Variants in TPRG1 observed in about 807,000 individuals in gnomAD.
TPRG1 encodes tumor protein p63 regulated 1.
A neutral mutation model predicts 29.3 loss-of-function variants in TPRG1; 29 were observed. The observed-to-expected ratio is 0.99, with a 90% CI of 0.74 to 1.35. TPRG1 has a LOEUF of 1.35. Among genes scored for constraint, TPRG1 ranks in the 40% most tolerant of loss-of-function variants. The pLI is 0.00. For synonymous variants in TPRG1, 130 were observed against 116.8 expected (o/e 1.11, Z -0.73); for missense variants, 327 against 335.0 (o/e 0.98, Z 0.19).
At chr3:189,200,821 A>G (rs1020001343) in intron 1 of TPRG1, among the ~76,000 whole-genome samples, 16 of 152,212 alleles carry the variant, frequency 1.1e-4, no homozygotes, top group Non-Finnish European at 5.9e-5. Context: ...GGTGGATGCT[A>G]CAGTTTGAAA....
chr3:189,021,067 T>A (rs1252792029), intron 3 of TPRG1, among the ~76,000 whole-genome samples: 1 of 148,450 alleles, frequency 6.7e-6, no homozygotes, highest in African/African-American at 2.5e-5. Context: ...TGCCTTTTTT[T>A]GTTTTCCATT....
At chr3:189,063,357 C>T (rs564250477) in intron 4 of TPRG1, among the ~76,000 whole-genome samples, 2 of 152,182 alleles carry the variant, frequency 1.3e-5, no homozygotes, top group South Asian at 4.1e-4. Flanking sequence ...TCCTAGAACT[C>T]CTAGACAGTA....
In TPRG1 at chr3:189,323,624, G is replaced by A. The variant is rs1235901138; in HGVS notation, c.*2804G>A. On this transcript the variant is annotated 3_prime_UTR_variant, in exon 6 of 6. Coordinates refer to ENST00000345063, the MANE Select transcript of TPRG1 (RefSeq NM_198485.4). Reference sequence around the variant, plus strand: ...CATTTTACACTTGGTGTTCTTACTTGGGATCTTTGTCCTTAAGCTCAACAG... The same window carrying A: ...CATTTTACACTTGGTGTTCTTACTTAGGATCTTTGTCCTTAAGCTCAACAG... 1 of 152,036 alleles carries A rather than the reference G, an allele frequency of 6.6e-6. No homozygotes were observed. The highest frequency in any genetic ancestry group is 2.4e-5 in the African/African-American group (1 of 41,408). The allele number at this position is 152,036 out of a possible 1,614,324, so 9.4% of individuals were successfully genotyped here.
At chr3:189,205,516 C>A (rs1734190866) in intron 1 of TPRG1, among the ~76,000 whole-genome samples, 1 of 152,152 alleles carries the variant, frequency 6.6e-6, no homozygotes, top group Non-Finnish European at 1.5e-5. Flanking sequence ...CCTAGTTAAT[C>A]CCAATTTCAA....
intron 1 of TPRG1, among the ~76,000 whole-genome samples, chr3:189,190,114 A>C (rs1731481939): frequency 6.6e-6 from 1 of 152,256 alleles, no homozygotes; most frequent in African/African-American, 2.4e-5. Flanking sequence ...GATACTGCCA[A>C]ACACTAATGC....
rs1739950883 is a variant in TPRG1 at position 189,238,628 on chromosome 3, A to G, written c.303-105A>G. The G allele has an allele frequency of 1.2e-5, 11 of 939,432 alleles. No individual in the cohort carries two copies. The Admixed American group carries it at 2.4e-4, about 20-fold the overall frequency. 58.2% of individuals were successfully genotyped at this position (939,432 alleles called of 1,614,324 possible). A position where few individuals can be genotyped will look rare whatever the true frequency, so the allele number is the denominator to read the frequency against. Reference sequence around the variant, plus strand: ...TATTTCTCAGCCCCTCTCTCTTCTGAGTTGATCAAACTTCACTGTTTTCTG... The same window carrying G: ...TATTTCTCAGCCCCTCTCTCTTCTGGGTTGATCAAACTTCACTGTTTTCTG... On this transcript the variant is annotated intron_variant, in intron 3 of 5. Transcript: ENST00000345063.
At chr3:189,135,065 G>A (rs1055617388) in intron 3 of TPRG1, among the ~76,000 whole-genome samples, 3 of 152,198 alleles carry the variant, frequency 2.0e-5, no homozygotes, top group Non-Finnish European at 2.9e-5. Context: ...GATGTGTGCA[G>A]ATGTTGAGCT....
intron 4 of TPRG1, among the ~76,000 whole-genome samples, chr3:189,027,430 A>G (rs1280203794): frequency 6.6e-6 from 1 of 152,244 alleles, no homozygotes; most frequent in African/African-American, 2.4e-5. Flanking sequence ...ACTATGCTGA[A>G]AATCTCATTT....
At chr3:189,119,161 T>C (rs553015561) in intron 1 of TPRG1, among the ~76,000 whole-genome samples, 1 of 152,222 alleles carries the variant, frequency 6.6e-6, no homozygotes, top group African/African-American at 2.4e-5. Flanking sequence ...AGTCATGGAG[T>C]CAAAAGAGAT....
chr3:189,321,612 A>G lies in TPRG1; in HGVS notation c.*792A>G, dbSNP rs1724324766. ...TCAGGTTTTTAATTCTGCTCAACCA[A>G]TTATTACCACAGCCTGTTAAATGGA... On this transcript the variant is annotated 3_prime_UTR_variant, in exon 6 of 6. Coordinates refer to ENST00000345063, the MANE Select transcript of TPRG1 (RefSeq NM_198485.4). The G allele has an allele frequency of 6.6e-6, 1 of 152,064 alleles. No homozygotes were observed. The highest frequency in any genetic ancestry group is 2.1e-4 in the South Asian group (1 of 4,832). The allele number at this position is 152,064 out of a possible 1,614,324, so 9.4% of individuals were successfully genotyped here. A position where few individuals can be genotyped will look rare whatever the true frequency, so the allele number is the denominator to read the frequency against.
chr3:189,187,164 T>C (rs1353783288), intron 1 of TPRG1, among the ~76,000 whole-genome samples: 1 of 151,968 alleles, frequency 6.6e-6, no homozygotes, highest in Admixed American at 6.6e-5. Context: ...TTTTTTGTAC[T>C]TTTGGTAGAG....
intron 1 of TPRG1, among the ~76,000 whole-genome samples, chr3:189,201,346 T>C (rs1052056320): frequency 6.6e-6 from 1 of 152,156 alleles, no homozygotes; most frequent in South Asian, 2.1e-4. Flanking sequence ...ATACCTGCAA[T>C]AGGATTTTTA....
At chr3:189,317,575 G>A (rs758340949) in intron 5 of TPRG1, among the ~76,000 whole-genome samples, 3 of 152,148 alleles carry the variant, frequency 2.0e-5, no homozygotes, top group Non-Finnish European at 4.4e-5. Context: ...ATAAATTTCA[G>A]AGAGGTTGGA....
chr3:189,219,709 G>A, intron 3 of TPRG1: 2 of 1,263,352 alleles, frequency 1.6e-6, no homozygotes, highest in Non-Finnish European at 1.0e-6. Context: ...AGAGACAGGA[G>A]GAGACAGCAT....
chr3:189,146,454 T>G (rs990871504), intron 3 of TPRG1, among the ~76,000 whole-genome samples: 1 of 152,160 alleles, frequency 6.6e-6, no homozygotes, highest in East Asian at 1.9e-4. Flanking sequence ...TCATAATGGA[T>G]TCTCAAAAAA....
At chr3:189,027,489 A>G (rs1313873233) in intron 4 of TPRG1, among the ~76,000 whole-genome samples, 2 of 152,254 alleles carry the variant, frequency 1.3e-5, no homozygotes, top group African/African-American at 4.8e-5. Flanking sequence ...AAAACACCAT[A>G]AAGTCTATGT....
intron 1 of TPRG1, among the ~76,000 whole-genome samples, chr3:189,101,163 A>G (rs1189183039): frequency 6.6e-6 from 1 of 151,802 alleles, no homozygotes; most frequent in Non-Finnish European, 1.5e-5. Context: ...AACTCTTTTC[A>G]CAGTACCCTT....
intron 3 of TPRG1, among the ~76,000 whole-genome samples, chr3:189,019,308 C>T (rs932535208): frequency 1.1e-4 from 17 of 152,208 alleles, no homozygotes; most frequent in Middle Eastern, 3.4e-3. Flanking sequence ...CTGTCTTGTG[C>T]CAGTTTTCAA....
intron 4 of TPRG1, among the ~76,000 whole-genome samples, chr3:189,068,704 AG>A (rs1716619100): frequency 1.3e-5 from 2 of 151,840 alleles, no homozygotes; most frequent in African/African-American, 4.8e-5. Flanking sequence ...CAAACCTGGG[AG>A]GCGGAGGTTG....
Sources: allele counts gnomAD v4.1 joint callset (sites outside exome capture counted in the v4.1 genomes callset), GRCh38; gene constraint gnomAD v4.1.1; transcripts MANE v1.5; gene names NCBI Gene and HGNC (gene_info 2026-07-23, HGNC 2026-07-21).